The following ZNF804A variants were observed in gnomAD, a reference collection of about 807,000 sequenced individuals.
ZNF804A encodes zinc finger protein 804A.
Under a neutral mutation model 16.5 loss-of-function variants are expected in ZNF804A, and 2 were observed. The observed-to-expected ratio is 0.12, with a 90% CI of 0.05 to 0.38. The LOEUF (loss-of-function observed/expected upper bound fraction) is 0.38, where lower values mean the gene tolerates loss of function less well. Among genes scored for constraint, ZNF804A ranks in the 10% least tolerant of loss-of-function variants. ZNF804A has a pLI of 0.99. For missense variants in ZNF804A, 1,473 were observed against 1,390.7 expected (o/e 1.06, Z -0.94); for synonymous variants, 534 against 489.6 (o/e 1.09, Z -1.20).
chr2:184,839,694 G>A (rs1254541918), intron 1 of ZNF804A, among the ~76,000 whole-genome samples: 4 of 151,986 alleles, frequency 2.6e-5, no homozygotes, highest in African/African-American at 4.8e-5. Context: ...ATTAATTCAC[G>A]ATGTAAGAAT....
chr2:184,874,750 T>G (rs1696027492), intron 2 of ZNF804A, among the ~76,000 whole-genome samples: 1 of 152,180 alleles, frequency 6.6e-6, no homozygotes, highest in Non-Finnish European at 1.5e-5. Flanking sequence ...TACCAGCCTC[T>G]TTTTATTAAT....
chr2:184,634,299 T>C (rs1214861243), intron 1 of ZNF804A, among the ~76,000 whole-genome samples: 1 of 152,166 alleles, frequency 6.6e-6, no homozygotes, highest in African/African-American at 2.4e-5. Flanking sequence ...CATATCCTAG[T>C]GAAAACAAAT....
Position 184,703,689 on chromosome 2 carries a change from CAAA to C in ZNF804A, c.111+104640_111+104642del, listed in dbSNP as rs10593157. Among the ~76,000 whole-genome samples, 242 of 56,406 alleles carry C rather than the reference CAAA, an allele frequency of 4.3e-3. 2 individuals carry two copies. Among genetic ancestry groups the C allele is most frequent in the Middle Eastern group, 0.012 (1 of 82 alleles). The allele number at this position is 56,406 out of a possible 152,430, so 37.0% of individuals were successfully genotyped here. On this transcript the variant is annotated intron_variant, in intron 1 of 3. Transcript: ENST00000302277. ...TGGGCGACAGAGCAAGACTCCGGTT[CAAA>C]AAAAAAAAAAAAAAAAAAAAGAAAG...
At chr2:184,686,200 CA>C (rs1031033393) in intron 1 of ZNF804A, among the ~76,000 whole-genome samples, 1 of 152,194 alleles carries the variant, frequency 6.6e-6, no homozygotes, top group Non-Finnish European at 1.5e-5. Flanking sequence ...GGTCCAGAGC[CA>C]AAGTTAGGTG....
rs1011651077 is a variant in ZNF804A at position 184,648,137 on chromosome 2, C to A, written c.111+49067C>A. Among the ~76,000 whole-genome samples, 3 of 151,978 alleles carry A rather than the reference C, an allele frequency of 2.0e-5. No individual in the cohort carries two copies. In the South Asian group the frequency reaches 6.2e-4, roughly 32 times the overall value. On this transcript the variant is annotated intron_variant, in intron 1 of 3. Coordinates refer to ENST00000302277, the MANE Select transcript of ZNF804A (RefSeq NM_194250.2). ...AAAAGAAAAGAAAAGAAATGCCAAC[C>A]AAGAATTTCATATCTTGCTAAACTA...
chr2:184,863,952 T>C (rs1695836413), intron 1 of ZNF804A, among the ~76,000 whole-genome samples: 1 of 152,194 alleles, frequency 6.6e-6, no homozygotes, highest in Non-Finnish European at 1.5e-5. Flanking sequence ...TAGGAATAAT[T>C]GACAAATTTG....
chr2:184,819,706 A>G (rs1016904694), intron 1 of ZNF804A, among the ~76,000 whole-genome samples: 3 of 151,962 alleles, frequency 2.0e-5, no homozygotes, highest in African/African-American at 7.2e-5. Context: ...GGAAGAATCA[A>G]ATGACACAAT....
rs192726749 is a variant in ZNF804A, at chr2:184,678,729, A to G, written c.111+79659A>G. ...AAGGATAAATGTGTTGTCAAGAAAA[A>G]CAATGAACACAATATTAACATGAAC... On this transcript the variant is annotated intron_variant, in intron 1 of 3. Coordinates refer to ENST00000302277, the MANE Select transcript of ZNF804A (RefSeq NM_194250.2). Among the ~76,000 whole-genome samples, 49 of 152,290 alleles carry G rather than the reference A, an allele frequency of 3.2e-4. No homozygotes were observed. The East Asian group carries it at 9.3e-3, about 29-fold the overall frequency.
chr2:184,796,530 CCTTGAATGAT>C, intron 1 of ZNF804A, among the ~76,000 whole-genome samples: 1 of 151,506 alleles, frequency 6.6e-6, no homozygotes, highest in East Asian at 1.9e-4. Flanking sequence ...TTCATAGTGG[CCTTGAATGAT>C]CTTTTTATTT....
intron 1 of ZNF804A, among the ~76,000 whole-genome samples, chr2:184,662,739 G>A (rs1355766269): frequency 1.3e-5 from 2 of 152,024 alleles, no homozygotes; most frequent in Non-Finnish European, 2.9e-5. Flanking sequence ...CATAACTTAG[G>A]ATCAGAACAT....
chr2:184,653,899 G>T (rs73978036), intron 1 of ZNF804A, among the ~76,000 whole-genome samples: 1 of 152,090 alleles, frequency 6.6e-6, no homozygotes, highest in Non-Finnish European at 1.5e-5. Flanking sequence ...GGAAAATTGC[G>T]TCTCCCTGGT....
At chr2:184,636,617 A>T in intron 1 of ZNF804A, among the ~76,000 whole-genome samples, 1 of 151,366 alleles carries the variant, frequency 6.6e-6, no homozygotes, top group East Asian at 1.9e-4. Context: ...CCCCAGTCAT[A>T]ATGAAAAATT....
At chr2:184,603,570 G>T (rs577165432) in intron 1 of ZNF804A, among the ~76,000 whole-genome samples, 4 of 152,144 alleles carry the variant, frequency 2.6e-5, no homozygotes, top group African/African-American at 9.6e-5. Context: ...TCTTCTCATC[G>T]AAACCCATTT....
intron 1 of ZNF804A, among the ~76,000 whole-genome samples, chr2:184,797,665 T>A (rs1694654360): frequency 6.6e-6 from 1 of 152,186 alleles, no homozygotes. Context: ...TTCATCATGC[T>A]ATTTGTTGCC....
chr2:184,923,130 T>C (rs555754058), intron 2 of ZNF804A, among the ~76,000 whole-genome samples: 1 of 152,178 alleles, frequency 6.6e-6, no homozygotes, highest in African/African-American at 2.4e-5. Context: ...AATCTGTAGA[T>C]TACTTTGGGT....
chr2:184,789,563 G>T (rs1003717564), intron 1 of ZNF804A, among the ~76,000 whole-genome samples: 2 of 151,890 alleles, frequency 1.3e-5, no homozygotes, highest in African/African-American at 4.8e-5. Flanking sequence ...TTCAATCTCG[G>T]GAGGTTGTAT....
chr2:184,677,211 G>T lies in ZNF804A; in HGVS notation c.111+78141G>T, dbSNP rs369050002. ...AACAGAAATCTGAGGATTTAGAAAG[G>T]TTTCAGGTAGTTGATTCAAGAGATA... On this transcript the variant is annotated intron_variant, in intron 1 of 3. Transcript: ENST00000302277. 9.9e-5 allele frequency among the ~76,000 whole-genome samples: 15 copies of T among 151,978 alleles called. No homozygotes were observed. In the South Asian group the frequency reaches 3.1e-3, roughly 32 times the overall value.
chr2:184,883,432 G>A (rs1684839670), intron 2 of ZNF804A, among the ~76,000 whole-genome samples: 2 of 152,042 alleles, frequency 1.3e-5, no homozygotes, highest in Admixed American at 1.3e-4. Flanking sequence ...TATGAGGCCA[G>A]CATCATCTTG....
In ZNF804A at chr2:184,732,155, T is replaced by C. The variant is rs529275733; in HGVS notation, c.111+133085T>C. Among the ~76,000 whole-genome samples, 7 of 152,292 alleles carry C rather than the reference T, an allele frequency of 4.6e-5. No homozygotes were observed. The South Asian group carries it at 1.5e-3, about 32-fold the overall frequency. On this transcript the variant is annotated intron_variant, in intron 1 of 3. Coordinates refer to ENST00000302277, the MANE Select transcript of ZNF804A (RefSeq NM_194250.2). Reference sequence around the variant, plus strand: ...CTCATCATCTAAGTTTCTTTCTATGTTATCTTCTAGAATTTTATAGTTTTG... The same window carrying C: ...CTCATCATCTAAGTTTCTTTCTATGCTATCTTCTAGAATTTTATAGTTTTG...
Sources: allele counts gnomAD v4.1 joint callset (sites outside exome capture counted in the v4.1 genomes callset), GRCh38; gene constraint gnomAD v4.1.1; transcripts MANE v1.5; gene names NCBI Gene and HGNC (gene_info 2026-07-23, HGNC 2026-07-21).